BAZ1A: variants seen among roughly 807,000 people sequenced by gnomAD.
The protein encoded by BAZ1A is bromodomain adjacent to zinc finger domain protein 1A.
Under a neutral mutation model 185.2 loss-of-function variants are expected in BAZ1A, and 50 were observed. The observed-to-expected ratio is 0.27, with a 90% CI of 0.22 to 0.34. BAZ1A has a LOEUF of 0.34. BAZ1A is among the 10% of genes least tolerant of loss of function. The pLI is 1.00. For missense variants in BAZ1A, 1,356 were observed against 1,839.9 expected (o/e 0.74, Z 4.81); for synonymous variants, 571 against 615.6 (o/e 0.93, Z 1.07).
chr14:34,780,407 C>T, intron 16 of BAZ1A, 97 bp from the exon 17 acceptor site: 1 of 1,249,886 alleles, frequency 8.0e-7, no homozygotes, highest in Non-Finnish European at 1.1e-6. Context: ...GCATTATAGG[C>T]TTAGGAAGTA....
chr14:34,784,367 C>CCAAAAAAAAAAAA lies in BAZ1A; in HGVS notation c.1832-441_1832-440insTTTTTTTTTTTTG, dbSNP rs1225939081. Among the ~76,000 whole-genome samples the CCAAAAAAAAAAAA allele has an allele frequency of 2.9e-4, 22 of 77,176 alleles. 3 individuals are homozygous for CCAAAAAAAAAAAA. The highest frequency in any genetic ancestry group is 7.9e-4 in the African/African-American group (13 of 16,420). The allele number at this position is 77,176 out of a possible 152,430, so 50.6% of individuals were successfully genotyped here. A position where few individuals can be genotyped will look rare whatever the true frequency, so the allele number is the denominator to read the frequency against. ...TGGGCAACTGAGTGAGACTCTGTCT[C>CCAAAAAAAAAAAA]AAAAAAAAAAAAAAAAAAAAAAAAA... On this transcript the variant is annotated intron_variant, in intron 14 of 26. Transcript: ENST00000360310.
chr14:34,817,165 AAAT>A (rs2042018595), intron 4 of BAZ1A, among the ~76,000 whole-genome samples: 4 of 152,334 alleles, frequency 2.6e-5, no homozygotes, highest in Admixed American at 2.0e-4. Flanking sequence ...CAGTCCTATT[AAAT>A]AATAGCCAAG....
At position 34,776,066 on chromosome 14, in the gene BAZ1A, T is replaced by C; in HGVS notation, c.2686A>G (p.Ser896Gly). 6.2e-7 allele frequency: 1 copy of C among 1,614,184 alleles called. No homozygotes were observed. The highest frequency in any genetic ancestry group is 8.5e-7 in the Non-Finnish European group (1 of 1,180,016). ...VHKPNRWCFY[S>G]SCEQLDQLIE... ...AGCTGGTCTAGCTGTTCACAAGAAC[T>C]GTAAAAGCACCACCGATTTGGCTTA... The change falls in exon 18 of 27, where the codon AGT becomes GGT. Residue 896 changes from serine to glycine, a missense_variant. Ser to Gly is a moderately conservative substitution (Grantham distance 56). Coordinates refer to ENST00000360310, the MANE Select transcript of BAZ1A (RefSeq NM_013448.3).
chr14:34,851,996 G>A (rs1009799479), intron 3 of BAZ1A, among the ~76,000 whole-genome samples: 2 of 151,894 alleles, frequency 1.3e-5, no homozygotes, highest in South Asian at 2.1e-4. Context: ...GCGTGGTGGC[G>A]GGTGCCTGTA....
At chr14:34,761,581 T>G (rs1436738375) in intron 24 of BAZ1A, among the ~76,000 whole-genome samples, 176 bp downstream of exon 24, 1 of 152,218 alleles carries the variant, frequency 6.6e-6, no homozygotes, top group African/African-American at 2.4e-5. Context: ...GTAATATAAT[T>G]TATTCATTAA....
At chr14:34,845,875 A>AG (rs1440182257) in intron 3 of BAZ1A, among the ~76,000 whole-genome samples, 13 of 112,546 alleles carry the variant, frequency 1.2e-4, no homozygotes, top group Admixed American at 1.1e-3. Flanking sequence ...AAAAAAAAAA[A>AG]AAAAGAAAAG....
chr14:34,825,804 G>T (rs2138715276), intron 4 of BAZ1A, among the ~76,000 whole-genome samples: 1 of 152,220 alleles, frequency 6.6e-6, no homozygotes, highest in South Asian at 2.1e-4. Flanking sequence ...TGGGCATGGA[G>T]GCAGGTGCCT....
intron 12 of BAZ1A, among the ~76,000 whole-genome samples, chr14:34,789,470 G>A (rs1445694277): frequency 1.3e-5 from 2 of 152,104 alleles, no homozygotes; most frequent in African/African-American, 4.8e-5. Context: ...ACATCACAAC[G>A]AAGAGAATAT....
intron 25 of BAZ1A, among the ~76,000 whole-genome samples, chr14:34,756,165 G>A (rs547717170): frequency 7.7e-4 from 115 of 148,408 alleles, no homozygotes; most frequent in Non-Finnish European, 1.4e-3. Context: ...CCAGGCTGGA[G>A]TGCAGTGGCA....
chr14:34,754,706 C>T, intron 26 of BAZ1A, 121 bp downstream of exon 26: 1 of 616,600 alleles, frequency 1.6e-6, no homozygotes, highest in Non-Finnish European at 2.7e-6. Context: ...ACTACATCAA[C>T]ACACATCCTT....
rs542523340 is a variant in BAZ1A at position 34,786,603 on chromosome 14, G to GTTTTTTTTTTTTTTTTTTTTTTTTTT, written c.1511-383_1511-382insAAAAAAAAAAAAAAAAAAAAAAAAAA. 1.3e-4 allele frequency: 14 copies of GTTTTTTTTTTTTTTTTTTTTTTTTTT among 106,854 alleles called. 6 individuals carry two copies. The highest frequency in any genetic ancestry group is 8.7e-5 in the Non-Finnish European group (5 of 57,166). The allele number at this position is 106,854 out of a possible 1,614,324, so 6.6% of individuals were successfully genotyped here. ...TTAAAGATACTCCAATCTTTTATGT[G>GTTTTTTTTTTTTTTTTTTTTTTTTTT]TGTTTTTTTTTTTTTTTTTTTTGAG... On this transcript the variant is annotated intron_variant, in intron 12 of 26. Transcript: ENST00000360310.
At chr14:34,796,165 T>TACACACACACACAC (rs61285890) in intron 9 of BAZ1A, among the ~76,000 whole-genome samples, 2,713 of 146,546 alleles carry the variant, frequency 0.019, 43 homozygotes, top group Middle Eastern at 0.056. Flanking sequence ...TACATATACA[T>TACACACACACACAC]ACACACACAC....
intron 21 of BAZ1A, chr14:34,768,621 C>T: frequency 2.9e-6 from 1 of 340,120 alleles, no homozygotes; most frequent in South Asian, 2.5e-5. Flanking sequence ...CACTATTCAG[C>T]CATAGAGAAA....
intron 17 of BAZ1A, 42 bp from the exon 18 acceptor site, chr14:34,776,557 G>A (rs746144723): frequency 1.3e-4 from 188 of 1,481,298 alleles, no homozygotes; most frequent in Non-Finnish European, 1.6e-4. Flanking sequence ...CATATTTCAA[G>A]TTTCCATTAG....
At chr14:34,819,736 C>G (rs1289959661) in intron 4 of BAZ1A, among the ~76,000 whole-genome samples, 1 of 152,166 alleles carries the variant, frequency 6.6e-6, no homozygotes, top group Non-Finnish European at 1.5e-5. Flanking sequence ...TATAAACATC[C>G]ATGTGCAGGT....
At chr14:34,767,432 C>T (rs1459431145) in intron 21 of BAZ1A, among the ~76,000 whole-genome samples, 1 of 152,132 alleles carries the variant, frequency 6.6e-6, no homozygotes. Flanking sequence ...TGCCTGTAGT[C>T]CCAGCTACTT....
intron 24 of BAZ1A, among the ~76,000 whole-genome samples, chr14:34,759,347 ATT>A (rs1176074428): frequency 6.6e-6 from 1 of 151,444 alleles, no homozygotes; most frequent in African/African-American, 2.4e-5. Context: ...CGCCCGGCTA[ATT>A]TTGTTTTGTA....
At chr14:34,810,627 A>AT (rs999989012) in intron 5 of BAZ1A, among the ~76,000 whole-genome samples, 145 of 146,720 alleles carry the variant, frequency 9.9e-4, no homozygotes, top group East Asian at 2.4e-3. Context: ...GTCCATTAGG[A>AT]TTTTTTTTTT....
intron 13 of BAZ1A, 22 bp from the exon 14 acceptor site, chr14:34,786,023 T>G (rs755716545): frequency 6.2e-7 from 1 of 1,604,920 alleles, no homozygotes; most frequent in Non-Finnish European, 8.5e-7. Flanking sequence ...AAAAATGAAA[T>G]AGTCATTTAG....
Sources: allele counts gnomAD v4.1 joint callset (sites outside exome capture counted in the v4.1 genomes callset), GRCh38; gene constraint gnomAD v4.1.1; transcripts MANE v1.5; gene names NCBI Gene and HGNC (gene_info 2026-07-23, HGNC 2026-07-21).